ASPRV1: variants seen among roughly 807,000 people sequenced by gnomAD.
ASPRV1 encodes the protein aspartic peptidase retroviral like 1.
A neutral mutation model predicts 11.0 loss-of-function variants in ASPRV1; 7 were observed. The observed-to-expected ratio is 0.64, with a 90% CI of 0.36 to 1.20. The LOEUF (loss-of-function observed/expected upper bound fraction) is 1.20. ASPRV1 is among the 50% of genes most tolerant of loss of function. ASPRV1 has a pLI of 0.02. For missense variants in ASPRV1, 299 were observed against 320.0 expected, an observed-to-expected ratio of 0.93 and a Z score of 0.50; for synonymous variants, 136 against 138.4, an observed-to-expected ratio of 0.98 and a Z score of 0.12.
At chr2:70,049,444 T>C in the ASPRV1 span, 2 of 152,102 alleles carry the variant, frequency 1.3e-5, no homozygotes, top group African/African-American at 2.4e-5. Flanking sequence ...TCTCCCTCCA[T>C]TTTGAGTCAG....
At chr2:69,996,187 G>A in the ASPRV1 span, among the ~76,000 whole-genome samples, 2 of 145,438 alleles carry the variant, frequency 1.4e-5, no homozygotes, top group Admixed American at 1.4e-4. Context: ...AGACCAGCCT[G>A]GGCAATATAG....
the ASPRV1 span, among the ~76,000 whole-genome samples, chr2:70,001,092 G>A: frequency 1.3e-5 from 2 of 151,808 alleles, no homozygotes; most frequent in African/African-American, 4.8e-5. Context: ...CTTCCTGGAA[G>A]GCAATTTGAC....
the ASPRV1 span, among the ~76,000 whole-genome samples, chr2:70,084,236 A>G: frequency 2.0e-5 from 3 of 152,268 alleles, no homozygotes; most frequent in Non-Finnish European, 2.9e-5. Flanking sequence ...GAGAAAAGAA[A>G]TAAGTTAGAT....
chr2:70,061,473 G>A, the ASPRV1 span, among the ~76,000 whole-genome samples: 2 of 152,068 alleles, frequency 1.3e-5, no homozygotes, highest in African/African-American at 2.4e-5. Context: ...TCCAGGCAGA[G>A]GCTATACAGC....
chr2:69,993,211 A>G, the ASPRV1 span, among the ~76,000 whole-genome samples: 7 of 152,258 alleles, frequency 4.6e-5, no homozygotes, highest in East Asian at 1.2e-3. Flanking sequence ...CCTCAAGCCC[A>G]CACCTGCCTA....
chr2:69,939,630 C>T, the ASPRV1 span: 1 of 152,580 alleles, frequency 6.6e-6, no homozygotes, highest in Non-Finnish European at 1.5e-5. Context: ...TTAGTTCATT[C>T]CCCTGAATAT....
chr2:69,964,285 G>A (rs1207901425), upstream of ASPRV1: 2 of 441,536 alleles, frequency 4.5e-6, no homozygotes, highest in South Asian at 1.6e-5. Flanking sequence ...GTGGCTTGAG[G>A]CAGATGGCCC....
the ASPRV1 span, among the ~76,000 whole-genome samples, chr2:69,980,647 T>G: frequency 1.4e-4 from 22 of 152,356 alleles, no homozygotes; most frequent in East Asian, 3.9e-3. Flanking sequence ...AATGTTAGTT[T>G]ATTAGTTTTG....
the ASPRV1 span, chr2:70,030,355 A>C: frequency 1.3e-5 from 2 of 152,288 alleles, no homozygotes; most frequent in African/African-American, 4.8e-5. Context: ...AGTGAGCTTC[A>C]GGTTGTCCTC....
At chr2:70,018,089 G>A in the ASPRV1 span, 6 of 151,740 alleles carry the variant, frequency 4.0e-5, no homozygotes, top group South Asian at 4.2e-4. Context: ...GCAGTGAGTC[G>A]AGATCACGCC....
the ASPRV1 span, among the ~76,000 whole-genome samples, chr2:69,985,246 T>C: frequency 6.6e-6 from 1 of 152,026 alleles, no homozygotes; most frequent in Non-Finnish European, 1.5e-5. Context: ...CCTTCTTTCC[T>C]TCCTTCCCTT....
chr2:70,001,668 G>T, the ASPRV1 span, among the ~76,000 whole-genome samples: 3 of 152,128 alleles, frequency 2.0e-5, no homozygotes, highest in Non-Finnish European at 4.4e-5. Context: ...GCTGAGGCAG[G>T]AGAATCGCTT....
At chr2:69,980,609 T>A in the ASPRV1 span, among the ~76,000 whole-genome samples, 1 of 152,118 alleles carries the variant, frequency 6.6e-6, no homozygotes, top group South Asian at 2.1e-4. Flanking sequence ...TCCCAAAATA[T>A]CTGGAGTTTA....
At chr2:69,967,151 T>C in the ASPRV1 span, among the ~76,000 whole-genome samples, 3 of 152,176 alleles carry the variant, frequency 2.0e-5, no homozygotes, top group Non-Finnish European at 4.4e-5. Flanking sequence ...ATTCCATACA[T>C]ACTTACTGAG....
chr2:70,052,761 G>A, the ASPRV1 span, among the ~76,000 whole-genome samples: 1 of 152,152 alleles, frequency 6.6e-6, no homozygotes, highest in Non-Finnish European at 1.5e-5. Flanking sequence ...TCAATACATA[G>A]GAAACAGATC....
chr2:70,048,107 C>CAAAAA, the ASPRV1 span, among the ~76,000 whole-genome samples: 4 of 32,478 alleles, frequency 1.2e-4, no homozygotes, highest in African/African-American at 4.5e-4. Flanking sequence ...GACTCCATCT[C>CAAAAA]AAAAAAAAAA....
chr2:70,010,115 A>G, the ASPRV1 span, among the ~76,000 whole-genome samples: 1 of 152,196 alleles, frequency 6.6e-6, no homozygotes, highest in Admixed American at 6.5e-5. Context: ...AACCTTGTCC[A>G]CTAGCACAGG....
At chr2:70,027,191 C>T in the ASPRV1 span, among the ~76,000 whole-genome samples, 1 of 144,676 alleles carries the variant, frequency 6.9e-6, no homozygotes, top group African/African-American at 2.6e-5. Context: ...CTGGGAGGTC[C>T]AGGCTGCAGT....
the ASPRV1 span, among the ~76,000 whole-genome samples, chr2:69,944,947 C>T: frequency 1.3e-5 from 2 of 152,290 alleles, no homozygotes; most frequent in East Asian, 1.9e-4. Flanking sequence ...ATTTACCGTA[C>T]ATGACTTCTA....
Sources: gnomAD v4.1 joint callset for allele counts (sites outside exome capture counted in the v4.1 genomes callset) on GRCh38, gnomAD v4.1.1 for gene constraint, MANE v1.5 for transcripts, NCBI Gene and HGNC (gene_info 2026-07-23, HGNC 2026-07-21) for gene names.